RFX4: variants seen among roughly 807,000 people sequenced by gnomAD.
RFX4 encodes transcription factor RFX4.
RFX4 carries 10 observed loss-of-function variants against 95.0 expected under a neutral mutation model. The ratio of observed to expected loss-of-function variants is 0.11; its 90% CI spans 0.06 to 0.18. The LOEUF is 0.18. Ranked by LOEUF, RFX4 falls within the 10% of genes least tolerant of loss-of-function variation. RFX4 has a pLI of 1.00. For synonymous variants in RFX4, 321 were observed against 340.7 expected (o/e 0.94, Z 0.64); for missense variants, 640 against 922.0 (o/e 0.69, Z 3.96).
intron 2 of RFX4, among the ~76,000 whole-genome samples, chr12:106,630,329 TAGAC>T (rs1374643897): frequency 1.3e-5 from 2 of 152,270 alleles, no homozygotes; most frequent in South Asian, 2.1e-4. Flanking sequence ...GTATCAAAGT[TAGAC>T]AGCCTCTTTC....
chr12:106,728,033 T>C (rs541410552), intron 13 of RFX4, among the ~76,000 whole-genome samples: 14 of 152,320 alleles, frequency 9.2e-5, no homozygotes, highest in African/African-American at 3.1e-4. Context: ...AAAATGTACC[T>C]AGAAATAATT....
chr12:106,604,911 G>A (rs1015657227), intron 1 of RFX4, among the ~76,000 whole-genome samples: 2 of 152,240 alleles, frequency 1.3e-5, no homozygotes, highest in Non-Finnish European at 1.5e-5. Context: ...CATAGAAAAA[G>A]GAGAAAGCTC....
At chr12:106,590,131 A>T (rs906579287) in intron 1 of RFX4, among the ~76,000 whole-genome samples, 10 of 152,268 alleles carry the variant, frequency 6.6e-5, no homozygotes, top group Non-Finnish European at 1.2e-4. Context: ...AAGACAGAGC[A>T]TGGTGATGGG....
chr12:106,754,638 A>C (rs1391898649), intron 17 of RFX4, among the ~76,000 whole-genome samples: 1 of 152,200 alleles, frequency 6.6e-6, no homozygotes, highest in Non-Finnish European at 1.5e-5. Flanking sequence ...CTCAAGGCCT[A>C]TGAGGTCCTG....
At chr12:106,602,377 C>A (rs1048421421) in intron 1 of RFX4, among the ~76,000 whole-genome samples, 7 of 152,194 alleles carry the variant, frequency 4.6e-5, no homozygotes, top group African/African-American at 1.7e-4. Flanking sequence ...ACACTAAGTG[C>A]CTTACCTTTA....
intron 1 of RFX4, among the ~76,000 whole-genome samples, chr12:106,605,882 A>G (rs951823814): frequency 2.0e-5 from 3 of 152,152 alleles, no homozygotes; most frequent in African/African-American, 7.2e-5. Flanking sequence ...AGTGGGTGCA[A>G]TGGGTGAGAT....
chr12:106,607,028 T>G (rs1427879825), intron 1 of RFX4, among the ~76,000 whole-genome samples: 1 of 152,208 alleles, frequency 6.6e-6, no homozygotes, highest in African/African-American at 2.4e-5. Context: ...AGAGTTGTTG[T>G]GAGGACTCAA....
At chr12:106,641,967 C>CTATATCTATATCTATCTATATATCTA (rs371927014) in intron 3 of RFX4, among the ~76,000 whole-genome samples, 35 of 135,038 alleles carry the variant, frequency 2.6e-4, no homozygotes, top group African/African-American at 9.8e-4. Context: ...ATATCTATAT[C>CTATATCTATATCTATCTATATATCTA]TATCTATATC....
intron 17 of RFX4, among the ~76,000 whole-genome samples, chr12:106,758,955 A>C (rs562256561): frequency 1.6e-4 from 25 of 152,338 alleles, no homozygotes; most frequent in African/African-American, 5.8e-4. Context: ...GTAACGTCCC[A>C]ATGTTCATTT....
Position 106,672,234 on chromosome 12 carries a change from A to G in RFX4, c.316-9759A>G, listed in dbSNP as rs531717688. ...AACTGGAGTGTGGTGTATGGGGAGG[A>G]GAACGGACAGGGGAGATGAGTGACA... is the stretch of plus-strand genomic sequence containing the variant. On this transcript the variant is annotated intron_variant, in intron 4 of 17. Transcript: ENST00000392842. Among the ~76,000 whole-genome samples, 135 of 152,168 alleles carry G rather than the reference A, an allele frequency of 8.9e-4. 1 individual carries two copies. The highest frequency in any genetic ancestry group is 1.4e-3 in the Non-Finnish European group (92 of 68,020).
chr12:106,720,190 G>T lies in RFX4; in HGVS notation c.1233+136G>T. 1 of 700,744 alleles carries T rather than the reference G, an allele frequency of 1.4e-6. No homozygotes were observed. The highest frequency in any genetic ancestry group is 2.5e-6 in the Non-Finnish European group (1 of 404,188). 43.4% of individuals were successfully genotyped at this position (700,744 alleles called of 1,614,324 possible). On this transcript the variant is annotated intron_variant, in intron 12 of 17. Transcript: ENST00000392842. The surrounding 1 kb of genome is among the most constrained non-coding windows in gnomAD (Gnocchi z 4.2). ...AGGAGAGGCCCCAGGAGGTGGAGGG[G>T]TCAGGAGGCAGGACTCTTGAGTCTT...
At chr12:106,656,415 G>C (rs562907348) in intron 4 of RFX4, among the ~76,000 whole-genome samples, 1 of 152,308 alleles carries the variant, frequency 6.6e-6, no homozygotes, top group Admixed American at 6.5e-5. Flanking sequence ...GTGAGCCAAG[G>C]AGGAAACTCA....
chr12:106,707,799 T>A (rs2042114550), intron 8 of RFX4, among the ~76,000 whole-genome samples: 1 of 152,090 alleles, frequency 6.6e-6, no homozygotes, highest in African/African-American at 2.4e-5. Context: ...TTGTTGTTGT[T>A]GTTGTTGTTT....
chr12:106,654,468 G>A (rs2040916967), intron 4 of RFX4, 117 bp downstream of exon 4: 3 of 1,234,400 alleles, frequency 2.4e-6, no homozygotes, highest in Non-Finnish European at 2.2e-6. Flanking sequence ...TACTTACTTT[G>A]GTACTTTGAC....
rs1473690885 is a variant in RFX4, at chr12:106,715,229, C to T, written c.994-171C>T. On this transcript the variant is annotated intron_variant, in intron 10 of 17. Transcript: ENST00000392842. Reference sequence around the variant, plus strand: ...GAACCATAGGAGAAAACAGTGTCTGCGTCTTCTGAGTTACAGAGTCTTCTG... The same window carrying T: ...GAACCATAGGAGAAAACAGTGTCTGTGTCTTCTGAGTTACAGAGTCTTCTG... 2.4e-5 allele frequency: 16 copies of T among 668,924 alleles called. 1 individual carries two copies. Among genetic ancestry groups the T allele is most frequent in the Middle Eastern group, 4.2e-4 (1 of 2,404 alleles). The allele number at this position is 668,924 out of a possible 1,614,324, so 41.4% of individuals were successfully genotyped here.
intron 16 of RFX4, among the ~76,000 whole-genome samples, chr12:106,749,259 A>G (rs1194853138): frequency 7.1e-6 from 1 of 141,784 alleles, no homozygotes; most frequent in Non-Finnish European, 1.5e-5. Context: ...CTCCAACTCA[A>G]AAAAAAAAAA....
At chr12:106,596,288 C>T (rs1335908831) in intron 1 of RFX4, among the ~76,000 whole-genome samples, 3 of 152,128 alleles carry the variant, frequency 2.0e-5, no homozygotes, top group Admixed American at 6.5e-5. Flanking sequence ...CGGGAGTTTC[C>T]CTGCACAAGC....
intron 16 of RFX4, among the ~76,000 whole-genome samples, chr12:106,750,169 G>A (rs2042972396): frequency 1.3e-5 from 2 of 152,044 alleles, no homozygotes; most frequent in Admixed American, 6.6e-5. Flanking sequence ...CCACAAGAGT[G>A]GAAATGGTAA....
chr12:106,707,332 T>G (rs1163591067), intron 8 of RFX4, among the ~76,000 whole-genome samples: 2 of 152,036 alleles, frequency 1.3e-5, no homozygotes, highest in African/African-American at 4.8e-5. Context: ...AGACAGTGAA[T>G]CTGCACAGAT....
Sources: allele counts gnomAD v4.1 joint callset (sites outside exome capture counted in the v4.1 genomes callset), GRCh38; gene constraint gnomAD v4.1.1; non-coding constraint Gnocchi (gnomAD v3.1); transcripts MANE v1.5; gene names NCBI Gene and HGNC (gene_info 2026-07-23, HGNC 2026-07-21).